The following SLC19A3 variants were observed in gnomAD, a reference collection of about 807,000 sequenced individuals.
SLC19A3 encodes thiamine transporter 2.
Under a neutral mutation model 40.2 loss-of-function variants are expected in SLC19A3, and 31 were observed. The ratio of observed to expected loss-of-function variants is 0.77; its 90% CI spans 0.58 to 1.04. The LOEUF is 1.04. Among genes scored for constraint, SLC19A3 ranks in the 50% least tolerant of loss-of-function variants. The pLI is 0.00. For synonymous variants in SLC19A3, 212 were observed against 227.5 expected, an observed-to-expected ratio of 0.93 and a Z score of 0.61; for missense variants, 592 against 596.7, an observed-to-expected ratio of 0.99 and a Z score of 0.08.
chr2:227,702,338 A>C lies in SLC19A3; in HGVS notation c.-2-18T>G. 1.1e-5 allele frequency: 17 copies of C among 1,613,650 alleles called. No individual in the cohort carries two copies. The highest frequency in any genetic ancestry group is 1.4e-5 in the Non-Finnish European group (16 of 1,179,770). ...ATCCATGGCTGATCAAATGGAAACAAAGAGAAAATTAAGTGATGCTTATTC... is the reference window on the plus strand; with the variant it reads ...ATCCATGGCTGATCAAATGGAAACACAGAGAAAATTAAGTGATGCTTATTC... On this transcript the variant is annotated intron_variant, in intron 1 of 5. Coordinates refer to ENST00000644224, the MANE Select transcript of SLC19A3 (RefSeq NM_025243.4).
intron 1 of SLC19A3, among the ~76,000 whole-genome samples, chr2:227,709,170 CT>C (rs2106339849): frequency 6.6e-6 from 1 of 152,206 alleles, no homozygotes; most frequent in South Asian, 2.1e-4. Flanking sequence ...GGGTAAACAA[CT>C]GTTAAAAAGC....
At chr2:227,707,626 T>TA in intron 1 of SLC19A3, among the ~76,000 whole-genome samples, 1 of 151,778 alleles carries the variant, frequency 6.6e-6, no homozygotes, top group Non-Finnish European at 1.5e-5. Flanking sequence ...AAAAACAAAT[T>TA]TAAAAAATAA....
At chr2:227,697,154 GAA>G (rs945080967) in intron 3 of SLC19A3, among the ~76,000 whole-genome samples, 1 of 148,526 alleles carries the variant, frequency 6.7e-6, no homozygotes, top group African/African-American at 2.5e-5. Context: ...GACCACAGAG[GAA>G]AAAAAAAATA....
Position 227,703,320 on chromosome 2 carries a change from G to A in SLC19A3, c.-2-1000C>T, listed in dbSNP as rs2106333775. 6.6e-6 allele frequency among the ~76,000 whole-genome samples: 1 copy of A among 152,318 alleles called. No individual in the cohort carries two copies. Among genetic ancestry groups the A allele is most frequent in the South Asian group, 2.1e-4 (1 of 4,826 alleles). ...ACCTGGGTGGAATTCCAGGTATCCA[G>A]TGGGTGGGGAGCTTTACTAGGGGTT... On this transcript the variant is annotated intron_variant, in intron 1 of 5. Coordinates refer to ENST00000644224, the MANE Select transcript of SLC19A3 (RefSeq NM_025243.4). This position sits in a 1 kb window ranked among gnomAD's most constrained non-coding sequence, Gnocchi z 4.7.
Sources: allele counts gnomAD v4.1 joint callset (sites outside exome capture counted in the v4.1 genomes callset), GRCh38; gene constraint gnomAD v4.1.1; non-coding constraint Gnocchi (gnomAD v3.1); transcripts MANE v1.5; gene names NCBI Gene and HGNC (gene_info 2026-07-23, HGNC 2026-07-21).